Variants in DYNC1I2 observed in about 807,000 individuals in gnomAD.
DYNC1I2 encodes cytoplasmic dynein 1 intermediate chain 2.
DYNC1I2 carries 53 observed loss-of-function variants against 88.6 expected under a neutral mutation model. The observed-to-expected ratio is 0.60, with a 90% CI of 0.48 to 0.75. The LOEUF (loss-of-function observed/expected upper bound fraction) is 0.75. DYNC1I2 is among the 30% of genes least tolerant of loss of function. DYNC1I2 has a pLI of 0.00. For synonymous variants in DYNC1I2, 198 were observed against 254.6 expected (o/e 0.78, Z 2.12); for missense variants, 458 against 766.6 (o/e 0.60, Z 4.75).
rs2105683817 is a variant in DYNC1I2, at chr2:171,725,953, A to G, written c.642A>G (p.Gln214=). 6.3e-7 allele frequency: 1 copy of G among 1,580,680 alleles called. No individual in the cohort carries two copies. The highest frequency in any genetic ancestry group is 8.5e-7 in the Non-Finnish European group (1 of 1,171,090). Residue 214 remains glutamine (Q), a synonymous_variant, in exon 9 of 18, where the codon CAA becomes CAG. Transcript: ENST00000397119. Reference sequence around the variant, plus strand: ...ATGAGCTGACTGAAGAAGAAAAGCAACAAATCTTGCACTCTGAGGAATTTT... The same window carrying G: ...ATGAGCTGACTGAAGAAGAAAAGCAGCAAATCTTGCACTCTGAGGAATTTT... ...PPHELTEEEK[Q]QILHSEEFLS... is the part of the protein sequence containing the mutation.
chr2:171,740,020 T>C (rs1689309485), intron 15 of DYNC1I2, among the ~76,000 whole-genome samples: 1 of 152,200 alleles, frequency 6.6e-6, no homozygotes, highest in Non-Finnish European at 1.5e-5. Flanking sequence ...ACAATTGACA[T>C]ACCTTTTAAG....
At chr2:171,732,141 A>G (rs892394410) in intron 15 of DYNC1I2, among the ~76,000 whole-genome samples, 9 of 152,192 alleles carry the variant, frequency 5.9e-5, no homozygotes, top group Non-Finnish European at 1.3e-4. Context: ...AGGCGGGTGG[A>G]TCACCTGAGG....
intron 2 of DYNC1I2, among the ~76,000 whole-genome samples, chr2:171,691,779 A>G (rs1377262575): frequency 6.6e-6 from 1 of 152,198 alleles, no homozygotes; most frequent in African/African-American, 2.4e-5. Context: ...GTTCTAAGGG[A>G]TATCTATTGC....
chr2:171,691,056 A>G (rs1381270038), intron 2 of DYNC1I2, among the ~76,000 whole-genome samples: 1 of 152,210 alleles, frequency 6.6e-6, no homozygotes, highest in East Asian at 1.9e-4. Flanking sequence ...CTGAATTGCT[A>G]ATTTGTCAGA....
intron 7 of DYNC1I2, among the ~76,000 whole-genome samples, chr2:171,715,663 A>T (rs1687437688): frequency 6.6e-6 from 1 of 152,020 alleles, no homozygotes; most frequent in Non-Finnish European, 1.5e-5. Flanking sequence ...TGTAAGCTGT[A>T]TGTGTGGTTT....
chr2:171,739,006 T>C (rs891113307), intron 15 of DYNC1I2, among the ~76,000 whole-genome samples: 3 of 151,122 alleles, frequency 2.0e-5, no homozygotes, highest in Non-Finnish European at 3.0e-5. Context: ...AAATTAGCCA[T>C]GTGTGGTGGT....
chr2:171,707,418 A>AGTAATT, intron 5 of DYNC1I2, 41 bp downstream of exon 5: 1 of 1,567,020 alleles, frequency 6.4e-7, no homozygotes, highest in Admixed American at 1.8e-5. Context: ...GATAGAATGC[A>AGTAATT]TTCAGTGCCC....
At chr2:171,691,209 A>G (rs1685381447) in intron 2 of DYNC1I2, among the ~76,000 whole-genome samples, 1 of 152,178 alleles carries the variant, frequency 6.6e-6, no homozygotes, top group Non-Finnish European at 1.5e-5. Flanking sequence ...TGGACCAGGT[A>G]CTTCTTTTGA....
At chr2:171,707,561 A>G (rs1686780168) in intron 5 of DYNC1I2, among the ~76,000 whole-genome samples, 184 bp downstream of exon 5, 1 of 152,124 alleles carries the variant, frequency 6.6e-6, no homozygotes, top group Non-Finnish European at 1.5e-5. Flanking sequence ...TTTTTTTTTA[A>G]TAATATTTTA....
At chr2:171,730,533 C>T (rs1347864115) in intron 15 of DYNC1I2, among the ~76,000 whole-genome samples, 1 of 152,174 alleles carries the variant, frequency 6.6e-6, no homozygotes, top group African/African-American at 2.4e-5. Flanking sequence ...AGTCTCAAGA[C>T]AAATCCAAGT....
intron 3 of DYNC1I2, among the ~76,000 whole-genome samples, chr2:171,703,417 A>G (rs1358590569): frequency 1.2e-5 from 1 of 82,130 alleles, no homozygotes; most frequent in Non-Finnish European, 2.8e-5. Flanking sequence ...TTGTAGAGAC[A>G]GAGTCTTGTT....
chr2:171,724,874 G>A (rs1440313707), intron 7 of DYNC1I2, among the ~76,000 whole-genome samples: 1 of 152,046 alleles, frequency 6.6e-6, no homozygotes, highest in Admixed American at 6.5e-5. Flanking sequence ...TCCTGGTTTG[G>A]GATGTAAGAG....
At chr2:171,694,140 C>G (rs992301795) in intron 3 of DYNC1I2, among the ~76,000 whole-genome samples, 14 of 151,678 alleles carry the variant, frequency 9.2e-5, no homozygotes, top group African/African-American at 3.4e-4. Context: ...TGGGTTCAAG[C>G]GATTCTTCTG....
chr2:171,737,478 G>T (rs779753878), intron 15 of DYNC1I2, among the ~76,000 whole-genome samples: 29 of 152,204 alleles, frequency 1.9e-4, no homozygotes, highest in Non-Finnish European at 3.4e-4. Context: ...AGCGCAGTGG[G>T]GTGATCTCGG....
At chr2:171,735,988 T>C (rs188117115) in intron 15 of DYNC1I2, among the ~76,000 whole-genome samples, 1 of 152,320 alleles carries the variant, frequency 6.6e-6, no homozygotes, top group Non-Finnish European at 1.5e-5. Flanking sequence ...ACTTTTGTAG[T>C]CCATACACAT....
chr2:171,709,839 T>G (rs1383312782), intron 5 of DYNC1I2, among the ~76,000 whole-genome samples: 2 of 152,094 alleles, frequency 1.3e-5, no homozygotes, highest in Non-Finnish European at 2.9e-5. Flanking sequence ...TGCCTCAGCC[T>G]CCCAAGTAAC....
At chr2:171,711,785 A>G (rs1687143463) in intron 5 of DYNC1I2, among the ~76,000 whole-genome samples, 1 of 152,252 alleles carries the variant, frequency 6.6e-6, no homozygotes, top group South Asian at 2.1e-4. Context: ...AAAACATTGT[A>G]GCAACTAAAA....
intron 15 of DYNC1I2, among the ~76,000 whole-genome samples, chr2:171,733,760 G>GT (rs201680261): frequency 3.0e-5 from 4 of 135,064 alleles, no homozygotes; most frequent in African/African-American, 8.7e-5. Context: ...TTTTTTAGGG[G>GT]TTTTTTTGTT....
intron 3 of DYNC1I2, among the ~76,000 whole-genome samples, chr2:171,698,509 C>T (rs771011821): frequency 2.0e-5 from 3 of 152,082 alleles, no homozygotes; most frequent in Non-Finnish European, 2.9e-5. Flanking sequence ...TTCAACCACC[C>T]GGGTAGCTGG....
Sources: allele counts gnomAD v4.1 joint callset (sites outside exome capture counted in the v4.1 genomes callset), GRCh38; gene constraint gnomAD v4.1.1; transcripts MANE v1.5; gene names NCBI Gene and HGNC (gene_info 2026-07-23, HGNC 2026-07-21).